Variants in GAREM1 observed in about 807,000 individuals in gnomAD.
GAREM1 encodes GRB2 associated regulator of MAPK1 subtype 1, also known as GRB2-associated and regulator of MAPK protein 1.
In GAREM1, 26 loss-of-function variants were observed where a neutral mutation model predicts 71.3. The ratio of observed to expected loss-of-function variants is 0.36; its 90% CI spans 0.27 to 0.51. GAREM1 has a LOEUF of 0.51. Among genes scored for constraint, GAREM1 ranks in the 20% least tolerant of loss-of-function variants. The probability of loss-of-function intolerance (pLI) is 0.95; values close to 1 mark genes in which losing one functional copy is unlikely to be tolerated. For synonymous variants in GAREM1, 440 were observed against 433.2 expected, an observed-to-expected ratio of 1.02 and a Z score of -0.20; for missense variants, 1,026 against 1,103.1, an observed-to-expected ratio of 0.93 and a Z score of 0.99.
chr18:32,356,544 C>G (rs147362355), intron 2 of GAREM1, among the ~76,000 whole-genome samples: 1 of 152,262 alleles, frequency 6.6e-6, no homozygotes, highest in East Asian at 1.9e-4. Flanking sequence ...GTCCTAAATA[C>G]ATAATAATAA....
chr18:32,401,232 G>A lies in GAREM1; in HGVS notation c.122-8197C>T, dbSNP rs567023724. 3.3e-5 allele frequency among the ~76,000 whole-genome samples: 5 copies of A among 152,100 alleles called. No individual in the cohort carries two copies. The South Asian group carries it at 1.0e-3, about 32-fold the overall frequency. ...AGGAGATACACCTAATGTAAATGAC[G>A]AGTTAATGGGTGCAGCACACCAACA... On this transcript the variant is annotated intron_variant, in intron 1 of 5. Coordinates refer to ENST00000269209, the MANE Select transcript of GAREM1 (RefSeq NM_001242409.2).
chr18:32,412,561 G>A lies in GAREM1; in HGVS notation c.122-19526C>T, dbSNP rs566147141. The A allele has an allele frequency of 1.3e-3, 2,007 of 1,595,072 alleles. 24 individuals are homozygous for A. The African/African-American group carries it at 0.022, about 18-fold the overall frequency. On this transcript the variant is annotated intron_variant, in intron 1 of 5. Transcript: ENST00000269209. Reference sequence around the variant, plus strand: ...TCATTCCCACCGAAACCACCTCCACGACCACCACCAAAGTTTCCAGAACCA... The same window carrying A: ...TCATTCCCACCGAAACCACCTCCACAACCACCACCAAAGTTTCCAGAACCA...
intron 3 of GAREM1, among the ~76,000 whole-genome samples, chr18:32,305,654 G>C (rs2047246719): frequency 6.6e-6 from 1 of 152,106 alleles, no homozygotes. Context: ...CAAGTAGCTG[G>C]GATTACAGGC....
At chr18:32,382,044 A>C (rs2048102838) in intron 2 of GAREM1, among the ~76,000 whole-genome samples, 1 of 152,176 alleles carries the variant, frequency 6.6e-6, no homozygotes, top group South Asian at 2.1e-4. Context: ...ACTGGAGGGA[A>C]TTAAGAGACC....
At chr18:32,463,717 A>T (rs944224926) in intron 1 of GAREM1, among the ~76,000 whole-genome samples, 1 of 151,640 alleles carries the variant, frequency 6.6e-6, no homozygotes, top group East Asian at 2.0e-4. Context: ...CTACAGGCAC[A>T]TGCCACCACA....
chr18:32,434,454 C>T (rs913645946), intron 1 of GAREM1, among the ~76,000 whole-genome samples: 1 of 152,020 alleles, frequency 6.6e-6, no homozygotes, highest in East Asian at 1.9e-4. Context: ...GCAGGGGCAT[C>T]TTGTGCTGTG....
chr18:32,276,756 G>A (rs2041548032), intron 4 of GAREM1, among the ~76,000 whole-genome samples: 2 of 152,174 alleles, frequency 1.3e-5, no homozygotes, highest in African/African-American at 4.8e-5. Context: ...GGGAAAAGCA[G>A]AGGAGGTCAG....
chr18:32,283,902 A>G (rs2046980868), intron 4 of GAREM1, among the ~76,000 whole-genome samples: 1 of 152,148 alleles, frequency 6.6e-6, no homozygotes, highest in East Asian at 1.9e-4. Flanking sequence ...ACCTGGTGAG[A>G]GATGTCACCT....
chr18:32,286,166 G>C (rs1389989118), intron 4 of GAREM1, among the ~76,000 whole-genome samples: 1 of 152,218 alleles, frequency 6.6e-6, no homozygotes, highest in Non-Finnish European at 1.5e-5. Context: ...CAAAGGTTCA[G>C]AGTGGCTGCC....
At chr18:32,281,044 T>C (rs2046946367) in intron 4 of GAREM1, among the ~76,000 whole-genome samples, 1 of 152,218 alleles carries the variant, frequency 6.6e-6, no homozygotes, top group African/African-American at 2.4e-5. Context: ...TTATTTTAAA[T>C]GTTTACCGAG....
chr18:32,454,597 A>T (rs1568017773), intron 1 of GAREM1, among the ~76,000 whole-genome samples: 1 of 152,210 alleles, frequency 6.6e-6, no homozygotes, highest in Non-Finnish European at 1.5e-5. Flanking sequence ...ATGCAAATAT[A>T]ATTCACTAAG....
At chr18:32,368,232 T>C (rs1156275290) in intron 2 of GAREM1, among the ~76,000 whole-genome samples, 3 of 152,164 alleles carry the variant, frequency 2.0e-5, no homozygotes, top group African/African-American at 7.2e-5. Flanking sequence ...AACTTGTCTC[T>C]AAGCTTAGGT....
intron 1 of GAREM1, among the ~76,000 whole-genome samples, chr18:32,433,223 A>G (rs2048641575): frequency 6.6e-6 from 1 of 151,770 alleles, no homozygotes; most frequent in Admixed American, 6.6e-5. Flanking sequence ...AACTCAACAT[A>G]CCTTTATGAT....
intron 2 of GAREM1, among the ~76,000 whole-genome samples, chr18:32,365,297 C>T (rs2047920238): frequency 6.6e-6 from 1 of 152,180 alleles, no homozygotes; most frequent in African/African-American, 2.4e-5. Context: ...GTCAGATGTT[C>T]TATTCTGGCA....
At chr18:32,325,678 T>C (rs2047468015) in intron 2 of GAREM1, among the ~76,000 whole-genome samples, 1 of 152,220 alleles carries the variant, frequency 6.6e-6, no homozygotes, top group African/African-American at 2.4e-5. Context: ...GGATTCAACA[T>C]AATACTCACT....
At chr18:32,349,131 T>C (rs765972001) in intron 2 of GAREM1, among the ~76,000 whole-genome samples, 34 of 152,336 alleles carry the variant, frequency 2.2e-4, no homozygotes, top group Non-Finnish European at 3.8e-4. Flanking sequence ...ATGGGATAAC[T>C]AGATCAAATG....
chr18:32,346,838 G>A (rs544203984), intron 2 of GAREM1, among the ~76,000 whole-genome samples: 1 of 152,312 alleles, frequency 6.6e-6, no homozygotes, highest in South Asian at 2.1e-4. Flanking sequence ...AACTGCAGGG[G>A]AGAACAGGCC....
chr18:32,432,455 T>C (rs989552419), intron 1 of GAREM1, among the ~76,000 whole-genome samples: 10 of 151,976 alleles, frequency 6.6e-5, no homozygotes, highest in Middle Eastern at 3.4e-3. Flanking sequence ...AGAACAGATA[T>C]CAATTAATGT....
intron 1 of GAREM1, among the ~76,000 whole-genome samples, chr18:32,408,273 T>TA (rs1488823545): frequency 6.6e-6 from 1 of 151,060 alleles, no homozygotes; most frequent in African/African-American, 2.4e-5. Context: ...ACACCTTTAA[T>TA]AAAAAAACTC....
Sources: allele counts gnomAD v4.1 joint callset (sites outside exome capture counted in the v4.1 genomes callset), GRCh38; gene constraint gnomAD v4.1.1; transcripts MANE v1.5; gene names NCBI Gene and HGNC (gene_info 2026-07-23, HGNC 2026-07-21).